SMAGP: variants seen among roughly 807,000 people sequenced by gnomAD.
The protein encoded by SMAGP is small cell transmembrane and glycosylated protein.
Under a neutral mutation model 10.1 loss-of-function variants are expected in SMAGP, and 7 were observed. That is an observed-to-expected ratio of 0.70 (90% CI 0.40 to 1.31). SMAGP has a LOEUF of 1.31. Ranked by LOEUF, SMAGP falls within the 50% of genes most tolerant of loss-of-function variation. SMAGP has a pLI of 0.01. For missense variants in SMAGP, 113 were observed against 116.5 expected, an observed-to-expected ratio of 0.97 and a Z score of 0.14; for synonymous variants, 49 against 47.2, an observed-to-expected ratio of 1.04 and a Z score of -0.16.
At position 51,245,826 on chromosome 12, in the gene SMAGP, G is replaced by T; in HGVS notation, c.*115C>A. ...GGGACTGCGACCTGGCTGGAGCTTG[G>T]ATTTGCCCACATCAATCAATGCTTC... On this transcript the variant is annotated 3_prime_UTR_variant, in exon 4 of 4. Coordinates refer to ENST00000603798, the MANE Select transcript of SMAGP (RefSeq NM_001031628.2). 2 of 1,240,690 alleles carry T rather than the reference G, an allele frequency of 1.6e-6. No individual in the cohort carries two copies. Among genetic ancestry groups the T allele is most frequent in the Non-Finnish European group, 2.2e-6 (2 of 900,426 alleles). The allele number at this position is 1,240,690 out of a possible 1,614,324, so 76.9% of individuals were successfully genotyped here.
intron 2 of SMAGP, among the ~76,000 whole-genome samples, chr12:51,257,087 C>A (rs1481162484): frequency 6.6e-6 from 1 of 152,118 alleles, no homozygotes; most frequent in Non-Finnish European, 1.5e-5. Flanking sequence ...CACAAAATTT[C>A]TCTGTAAAGG....
intron 2 of SMAGP, 46 bp from the exon 3 acceptor site, chr12:51,246,877 T>G: frequency 6.9e-7 from 1 of 1,445,572 alleles, no homozygotes; most frequent in Middle Eastern, 1.8e-4. Context: ...TGAATTCTTT[T>G]GTTTGAAAGC....
intron 2 of SMAGP, among the ~76,000 whole-genome samples, chr12:51,250,500 GTTT>G (rs373705718): frequency 1.1e-5 from 1 of 88,016 alleles, no homozygotes; most frequent in South Asian, 3.9e-4. Flanking sequence ...TTGTTGTTGT[GTTT>G]TTTTTTTGTT....
At chr12:51,251,199 G>A (rs1469475215) in intron 2 of SMAGP, among the ~76,000 whole-genome samples, 3 of 152,098 alleles carry the variant, frequency 2.0e-5, no homozygotes, top group East Asian at 1.9e-4. Context: ...TTTGGGAGGC[G>A]GAGGCAGGAG....
intron 2 of SMAGP, among the ~76,000 whole-genome samples, chr12:51,265,082 C>T (rs1047877517): frequency 6.6e-6 from 1 of 152,002 alleles, no homozygotes; most frequent in African/African-American, 2.4e-5. Context: ...AGACATTTCT[C>T]CAAAGATATA....
intron 2 of SMAGP, among the ~76,000 whole-genome samples, chr12:51,265,794 A>G (rs1274925102): frequency 6.6e-6 from 1 of 152,136 alleles, no homozygotes; most frequent in Admixed American, 6.6e-5. Context: ...ATTACTTAAT[A>G]CAGTAGTCCC....
rs187283383 is a variant in SMAGP, at chr12:51,254,496, G to A, written c.35-7665C>T. 2.2e-4 allele frequency among the ~76,000 whole-genome samples: 33 copies of A among 152,040 alleles called. 1 individual carries two copies. The East Asian group carries it at 5.4e-3, about 25-fold the overall frequency. On this transcript the variant is annotated intron_variant, in intron 2 of 3. Transcript: ENST00000603798. ...CAGGAGGCGGAGGCTGCAGTGAGCCGAGATTGCACCACTGCACTCCAACCT... is the reference window on the plus strand; with the variant it reads ...CAGGAGGCGGAGGCTGCAGTGAGCCAAGATTGCACCACTGCACTCCAACCT...
In SMAGP at chr12:51,246,117, C is replaced by T. The variant is rs773804246; in HGVS notation, c.118G>A (p.Val40Ile). The change falls in exon 4 of 4, where the codon GTT becomes ATT. Residue 40 changes from valine (V) to isoleucine (I), a missense_variant and splice_region_variant. Transcript: ENST00000603798. ...DGASTALIAVVITVVFLTLLS... is the reference protein window; with the variant it reads ...DGASTALIAVIITVVFLTLLS... ...AGGGTGAGGAAGACAACGGTGATAA[C>T]AACTTGGAAAGGAGAGGGAAAATGT... The T allele has an allele frequency of 1.2e-6, 2 of 1,613,620 alleles. No individual in the cohort carries two copies. Among genetic ancestry groups the T allele is most frequent in the Non-Finnish European group, 1.7e-6 (2 of 1,179,676 alleles).
At chr12:51,265,646 G>A (rs764536938) in intron 2 of SMAGP, among the ~76,000 whole-genome samples, 4 of 152,306 alleles carry the variant, frequency 2.6e-5, no homozygotes, top group Non-Finnish European at 5.9e-5. Context: ...CTTACATGAA[G>A]TACCTAGAGC....
At chr12:51,270,027 T>TCCCCGCCCCCGCCCCCGC (rs879378845) in intron 1 of SMAGP, 1 of 151,184 alleles carries the variant, frequency 6.6e-6, no homozygotes, top group African/African-American at 2.4e-5. Flanking sequence ...CCCGCCCCCG[T>TCCCCGCCCCCGCCCCCGC]CCCCGCCCCC....
At chr12:51,266,468 G>GA (rs35554559) in intron 2 of SMAGP, among the ~76,000 whole-genome samples, 98,567 of 142,588 alleles carry the variant, frequency 0.69, 35,978 homozygotes, top group Middle Eastern at 0.85. Context: ...CTTGACTTAA[G>GA]AAAAAAAAAA....
At chr12:51,269,539 T>C in intron 1 of SMAGP, 1 of 513,976 alleles carries the variant, frequency 1.9e-6, no homozygotes, top group Non-Finnish European at 3.5e-6. Context: ...GGTGTTACCT[T>C]CATACGCTCT....
chr12:51,258,481 TAC>T (rs200050545), intron 2 of SMAGP, among the ~76,000 whole-genome samples: 26,987 of 151,616 alleles, frequency 0.18, 3,053 homozygotes, highest in East Asian at 0.52. Flanking sequence ...TCCCAGCTAC[TAC>T]TGGGAGGCTG....
chr12:51,260,210 T>TTC (rs1944919380), intron 2 of SMAGP, among the ~76,000 whole-genome samples: 1 of 139,072 alleles, frequency 7.2e-6, no homozygotes, highest in African/African-American at 3.0e-5. Flanking sequence ...TGGTTTCTTT[T>TTC]TTTTTTTTTT....
intron 2 of SMAGP, among the ~76,000 whole-genome samples, chr12:51,249,161 G>A (rs891160433): frequency 1.3e-5 from 2 of 152,148 alleles, no homozygotes; most frequent in Non-Finnish European, 2.9e-5. Flanking sequence ...CAGGGAGGGC[G>A]TGGAAGCTCC....
intron 2 of SMAGP, among the ~76,000 whole-genome samples, chr12:51,256,556 T>C (rs904217943): frequency 2.0e-5 from 3 of 152,052 alleles, no homozygotes; most frequent in African/African-American, 7.2e-5. Context: ...ACCCCATCTC[T>C]ACTAAAAATA....
chr12:51,249,339 G>A (rs1944813887), intron 2 of SMAGP, among the ~76,000 whole-genome samples: 1 of 152,198 alleles, frequency 6.6e-6, no homozygotes, highest in Admixed American at 6.5e-5. Context: ...CCAACTTGAA[G>A]CTGGTTGGTC....
At chr12:51,267,466 T>TCC (rs58505496) in intron 2 of SMAGP, among the ~76,000 whole-genome samples, 5 of 136,284 alleles carry the variant, frequency 3.7e-5, no homozygotes, top group African/African-American at 1.1e-4. Context: ...GCTGACCTAT[T>TCC]CCCCCCCCCC....
At chr12:51,249,177 C>T (rs112517538) in intron 2 of SMAGP, among the ~76,000 whole-genome samples, 1 of 151,928 alleles carries the variant, frequency 6.6e-6, no homozygotes, top group African/African-American at 2.4e-5. Flanking sequence ...GCTCCGCCCC[C>T]CTCCCCACAC....
Sources: allele counts gnomAD v4.1 joint callset (sites outside exome capture counted in the v4.1 genomes callset), GRCh38; gene constraint gnomAD v4.1.1; transcripts MANE v1.5; gene names NCBI Gene and HGNC (gene_info 2026-07-23, HGNC 2026-07-21).